Variants in SCN9A observed in about 807,000 individuals in gnomAD.
The protein encoded by SCN9A is sodium channel protein type 9 subunit alpha.
In SCN9A, 131 loss-of-function variants were observed where a neutral mutation model predicts 187.0. The observed-to-expected ratio is 0.70, with a 90% confidence interval of 0.61 to 0.81. The LOEUF (loss-of-function observed/expected upper bound fraction) is 0.81, where lower values mean the gene tolerates loss of function less well. Among genes scored for constraint, SCN9A ranks in the 30% least tolerant of loss-of-function variants. The pLI, the probability that SCN9A is intolerant of heterozygous loss-of-function variation, is 0.00. For missense variants in SCN9A, 2,252 were observed against 2,396.6 expected (o/e 0.94, Z 1.26); for synonymous variants, 809 against 808.6 (o/e 1.00, Z -0.01).
intron 26 of SCN9A, among the ~76,000 whole-genome samples, chr2:166,201,264 CATATA>C (rs1693501974): frequency 2.2e-5 from 3 of 137,494 alleles, no homozygotes; most frequent in East Asian, 2.0e-4. Flanking sequence ...ATATACTATA[CATATA>C]CATATACTAT....
intron 1 of SCN9A, among the ~76,000 whole-genome samples, chr2:166,350,354 C>A (rs924363086): frequency 6.6e-6 from 1 of 152,204 alleles, no homozygotes; most frequent in South Asian, 2.1e-4. Context: ...AATGTCCCCA[C>A]CACTTGGTTT....
chr2:166,249,773 GTT>G (rs1320636099), intron 18 of SCN9A, among the ~76,000 whole-genome samples: 2 of 152,084 alleles, frequency 1.3e-5, no homozygotes, highest in Non-Finnish European at 2.9e-5. Flanking sequence ...TTCTGTAAGA[GTT>G]TAAGTTTTTT....
intron 16 of SCN9A, among the ~76,000 whole-genome samples, chr2:166,274,810 C>T (rs995569795): frequency 3.3e-5 from 5 of 152,134 alleles, no homozygotes; most frequent in African/African-American, 7.2e-5. Context: ...ACTCTCACAC[C>T]AGTGTCCATG....
chr2:166,345,488 A>G lies in SCN9A; in HGVS notation c.-51+30209T>C, dbSNP rs191004585. ...ATATCCGCCTCTTTTGAAAACTTTC[A>G]CCACGTTGAGGTCAGTATGCTCTTG... On this transcript the variant is annotated intron_variant, in intron 1 of 26. Coordinates refer to ENST00000642356, the MANE Select transcript of SCN9A (RefSeq NM_001365536.1). Among the ~76,000 whole-genome samples, 30 of 152,126 alleles carry G rather than the reference A, an allele frequency of 2.0e-4. No homozygotes were observed. In the East Asian group the frequency reaches 3.9e-3, roughly 20 times the overall value.
Position 166,314,947 on chromosome 2 carries a change from A to G in SCN9A, c.-50-3141T>C, listed in dbSNP as rs1699071831. Among the ~76,000 whole-genome samples, 4 of 152,216 alleles carry G rather than the reference A, an allele frequency of 2.6e-5. No homozygotes were observed. In the South Asian group the frequency reaches 6.2e-4, roughly 24 times the overall value. ...AAAACCACTGAGTGATACACTTTAAAATGGTGATTTTTTATGGTGTGTAAA... is the reference window on the plus strand; with the variant it reads ...AAAACCACTGAGTGATACACTTTAAGATGGTGATTTTTTATGGTGTGTAAA... On this transcript the variant is annotated intron_variant, in intron 1 of 26. Transcript: ENST00000642356.
At position 166,300,860 on chromosome 2, in the gene SCN9A, A is replaced by T. The variant is rs571634384; in HGVS notation, c.901+2230T>A. ...ATGCATTCATGTTTAAATATAATATAAAGATAATTCACATAACTCAAGGGC... is the reference window on the plus strand; with the variant it reads ...ATGCATTCATGTTTAAATATAATATTAAGATAATTCACATAACTCAAGGGC... On this transcript the variant is annotated intron_variant, in intron 7 of 26. Transcript: ENST00000642356. 7 of 150,942 alleles carry T rather than the reference A, an allele frequency of 4.6e-5. No homozygotes were observed. The South Asian group carries it at 1.4e-3, about 31-fold the overall frequency. 9.4% of individuals were successfully genotyped at this position (150,942 alleles called of 1,614,324 possible).
chr2:166,245,749 T>C (rs543304186), intron 18 of SCN9A, among the ~76,000 whole-genome samples: 3 of 152,016 alleles, frequency 2.0e-5, no homozygotes, highest in Non-Finnish European at 4.4e-5. Context: ...GTTTGAATTT[T>C]AGATATTTCT....
intron 17 of SCN9A, among the ~76,000 whole-genome samples, chr2:166,262,245 A>G (rs1696540273): frequency 6.6e-6 from 1 of 152,056 alleles, no homozygotes; most frequent in African/African-American, 2.4e-5. Context: ...ATGCAAAAAT[A>G]AATATACAGA....
chr2:166,289,311 T>C (rs1697931770), intron 9 of SCN9A, among the ~76,000 whole-genome samples: 1 of 151,866 alleles, frequency 6.6e-6, no homozygotes, highest in Admixed American at 6.6e-5. Context: ...ACATTAGGTA[T>C]GTCTCCTAAT....
chr2:166,265,246 C>T (rs867000824), intron 17 of SCN9A, among the ~76,000 whole-genome samples: 2 of 151,944 alleles, frequency 1.3e-5, no homozygotes, highest in Non-Finnish European at 2.9e-5. Flanking sequence ...CCGATAACCA[C>T]TATTCTACTA....
intron 26 of SCN9A, among the ~76,000 whole-genome samples, chr2:166,200,499 A>G (rs1693456361): frequency 6.6e-6 from 1 of 152,174 alleles, no homozygotes; most frequent in Non-Finnish European, 1.5e-5. Flanking sequence ...AATGCTAAAA[A>G]GAAAATATAA....
Position 166,370,226 on chromosome 2 carries a change from A to ATCATCATCATCATC in SCN9A, c.-51+5470_-51+5471insGATGATGATGATGA, listed in dbSNP as rs1553507717. Reference sequence around the variant, plus strand: ...TAATAATAATAATAATAATAATAATAATAATAATAATCATCATCATCATCA... The same window carrying ATCATCATCATCATC: ...TAATAATAATAATAATAATAATAATATCATCATCATCATCATAATAATAATCATCATCATCATCA... On this transcript the variant is annotated intron_variant, in intron 1 of 26. Coordinates refer to ENST00000642356, the MANE Select transcript of SCN9A (RefSeq NM_001365536.1). 6.7e-3 allele frequency among the ~76,000 whole-genome samples: 882 copies of ATCATCATCATCATC among 131,532 alleles called. 13 individuals are homozygous for ATCATCATCATCATC. Among genetic ancestry groups the ATCATCATCATCATC allele is most frequent in the African/African-American group, 0.022 (745 of 33,542 alleles). The allele number at this position is 131,532 out of a possible 152,430, so 86.3% of individuals were successfully genotyped here. A position where few individuals can be genotyped will look rare whatever the true frequency, so the allele number is the denominator to read the frequency against.
chr2:166,199,611 A>G lies in SCN9A; in HGVS notation c.5028T>C (p.Asn1676=), dbSNP rs1553473212. The G allele has an allele frequency of 1.9e-6, 3 of 1,614,230 alleles. No homozygotes were observed. Among genetic ancestry groups the G allele is most frequent in the East Asian group, 4.5e-5 (2 of 44,880 alleles). The change falls in exon 27 of 27, where the codon AAT becomes AAC. Residue 1676 remains asparagine (N), a synonymous_variant. Transcript: ENST00000642356. ...CAAAGGTCTCAAAATTGAACATGTC[A>G]TTAATTCCATCTTCCTTTTTAACAT... ...FAYVKKEDGI[N]DMFNFETFGN...
chr2:166,374,185 T>C (rs540082625), intron 1 of SCN9A, among the ~76,000 whole-genome samples: 1 of 152,318 alleles, frequency 6.6e-6, no homozygotes, highest in South Asian at 2.1e-4. Flanking sequence ...TCTGTGAGCC[T>C]AGCCCTGCAC....
At chr2:166,309,086 G>C (rs1416905701) in intron 2 of SCN9A, among the ~76,000 whole-genome samples, 1 of 152,076 alleles carries the variant, frequency 6.6e-6, no homozygotes, top group East Asian at 1.9e-4. Context: ...GGCAAGATGT[G>C]ACAGATATCA....
intron 17 of SCN9A, among the ~76,000 whole-genome samples, chr2:166,264,524 G>A (rs910293643): frequency 6.6e-6 from 1 of 151,976 alleles, no homozygotes; most frequent in African/African-American, 2.4e-5. Flanking sequence ...CCTCAGAACT[G>A]TTTAAGATAT....
chr2:166,349,230 C>T (rs1374012114), intron 1 of SCN9A, among the ~76,000 whole-genome samples: 1 of 152,156 alleles, frequency 6.6e-6, no homozygotes, highest in Non-Finnish European at 1.5e-5. Flanking sequence ...CTTTCTACTC[C>T]CATATTTAGC....
chr2:166,256,273 A>G (rs1394671802), intron 17 of SCN9A, among the ~76,000 whole-genome samples: 3 of 151,318 alleles, frequency 2.0e-5, no homozygotes, highest in Admixed American at 6.6e-5. Context: ...AGTGCTTTTC[A>G]TCTTGAGTGT....
At chr2:166,227,550 G>T in intron 23 of SCN9A, 120 bp downstream of exon 23, 1 of 684,810 alleles carries the variant, frequency 1.5e-6, no homozygotes. Flanking sequence ...CTATCAGGTG[G>T]ATGTTCTTCA....
Sources: gnomAD v4.1 joint callset for allele counts (sites outside exome capture counted in the v4.1 genomes callset) on GRCh38, gnomAD v4.1.1 for gene constraint, MANE v1.5 for transcripts, NCBI Gene and HGNC (gene_info 2026-07-23, HGNC 2026-07-21) for gene names.